The following ADAMTS20 variants were observed in gnomAD, a reference collection of about 807,000 sequenced individuals.
The protein encoded by ADAMTS20 is A disintegrin and metalloproteinase with thrombospondin motifs 20.
ADAMTS20 carries 225 observed loss-of-function variants against 260.1 expected under a neutral mutation model. The ratio of observed to expected loss-of-function variants is 0.87; its 90% confidence interval spans 0.78 to 0.97. The LOEUF is 0.97. ADAMTS20 is among the 50% of genes least tolerant of loss of function. ADAMTS20 has a pLI of 0.00. For synonymous variants in ADAMTS20, 802 were observed against 769.5 expected (o/e 1.04, Z -0.70); for missense variants, 2,400 against 2,337.7 (o/e 1.03, Z -0.55).
At chr12:43,445,791 G>A (rs1227429128) in intron 15 of ADAMTS20, among the ~76,000 whole-genome samples, 1 of 152,104 alleles carries the variant, frequency 6.6e-6, no homozygotes, top group Non-Finnish European at 1.5e-5. Flanking sequence ...GTTCACAGCT[G>A]CAATGAGCTA....
chr12:43,415,410 C>T (rs1490299541), intron 28 of ADAMTS20, among the ~76,000 whole-genome samples: 3 of 152,008 alleles, frequency 2.0e-5, no homozygotes, highest in Non-Finnish European at 4.4e-5. Flanking sequence ...TACTAGAGTA[C>T]AACTTTCTCA....
chr12:43,418,721 G>A (rs953324678), intron 28 of ADAMTS20, among the ~76,000 whole-genome samples: 3 of 152,166 alleles, frequency 2.0e-5, no homozygotes, highest in South Asian at 2.1e-4. Context: ...AATGGCTTCC[G>A]AATATTTCAA....
chr12:43,425,288 A>G (rs1168778230), intron 28 of ADAMTS20, among the ~76,000 whole-genome samples: 1 of 152,090 alleles, frequency 6.6e-6, no homozygotes, highest in Non-Finnish European at 1.5e-5. Context: ...AGAGCATCAG[A>G]AAGAATAGCT....
chr12:43,389,689 GT>G (rs61328758), intron 29 of ADAMTS20, among the ~76,000 whole-genome samples: 1 of 151,548 alleles, frequency 6.6e-6, no homozygotes, highest in South Asian at 2.1e-4. Context: ...ATTCAGCCAG[GT>G]TTTTTTTGTT....
At chr12:43,353,154 G>A (rs1939670915), downstream of ADAMTS20, among the ~76,000 whole-genome samples, 1 of 150,960 alleles carries the variant, frequency 6.6e-6, no homozygotes, top group Non-Finnish European at 1.5e-5. Context: ...TATAATACAT[G>A]GTTAAATTAT....
At chr12:43,436,864 C>T (rs762019958) in intron 18 of ADAMTS20, among the ~76,000 whole-genome samples, 8 of 152,112 alleles carry the variant, frequency 5.3e-5, no homozygotes, top group Non-Finnish European at 7.4e-5. Flanking sequence ...CTTGCAGGAC[C>T]GTTTAACTCA....
intron 10 of ADAMTS20, among the ~76,000 whole-genome samples, chr12:43,463,792 C>A (rs985660126): frequency 3.9e-5 from 6 of 152,032 alleles, no homozygotes; most frequent in Non-Finnish European, 7.4e-5. Context: ...TGCAACAAAT[C>A]CTAAACTGGA....
intron 36 of ADAMTS20, among the ~76,000 whole-genome samples, chr12:43,370,127 A>T (rs534574396): frequency 6.6e-6 from 1 of 152,296 alleles, no homozygotes; most frequent in Non-Finnish European, 1.5e-5. Context: ...AAGACTGCAA[A>T]ATCACTGCAT....
intron 37 of ADAMTS20, among the ~76,000 whole-genome samples, chr12:43,360,718 TC>T (rs1242002845): frequency 6.6e-6 from 1 of 151,786 alleles, no homozygotes; most frequent in Non-Finnish European, 1.5e-5. Flanking sequence ...ATAGGAAAAA[TC>T]AACATACCAC....
chr12:43,452,462 G>A (rs1401627699), intron 13 of ADAMTS20, 52 bp from the exon 14 acceptor site: 1 of 1,606,458 alleles, frequency 6.2e-7, no homozygotes, highest in Non-Finnish European at 8.5e-7. Flanking sequence ...AAAGCTATGT[G>A]TTCTTACGTC....
intron 16 of ADAMTS20, 34 bp from the exon 17 acceptor site, chr12:43,440,103 T>G (rs1941634475): frequency 6.9e-7 from 1 of 1,449,922 alleles, no homozygotes; most frequent in African/African-American, 1.4e-5. Flanking sequence ...CATGAAATAG[T>G]AACACCAATC....
At chr12:43,526,328 G>A (rs2137492420) in intron 3 of ADAMTS20, among the ~76,000 whole-genome samples, 1 of 152,138 alleles carries the variant, frequency 6.6e-6, no homozygotes, top group Non-Finnish European at 1.5e-5. Flanking sequence ...CGTGGTGGCG[G>A]GCACCTGTAA....
At chr12:43,386,321 C>T (rs943920587) in intron 29 of ADAMTS20, among the ~76,000 whole-genome samples, 6 of 152,168 alleles carry the variant, frequency 3.9e-5, no homozygotes, top group African/African-American at 1.4e-4. Context: ...CCCCCACTCT[C>T]TTCTGGCTTG....
intron 37 of ADAMTS20, among the ~76,000 whole-genome samples, chr12:43,365,709 T>C (rs970999712): frequency 6.6e-6 from 1 of 151,980 alleles, no homozygotes; most frequent in Non-Finnish European, 1.5e-5. Flanking sequence ...GCAAGTTTGT[T>C]GCCTTTATAA....
chr12:43,499,950 A>G (rs1329904895), intron 4 of ADAMTS20, among the ~76,000 whole-genome samples: 1 of 151,916 alleles, frequency 6.6e-6, no homozygotes, highest in Non-Finnish European at 1.5e-5. Context: ...GACAATAGTT[A>G]TCTGTCATTT....
chr12:43,405,229 C>CAAAAAAAAAAAAAAAAAAA (rs869040570), intron 28 of ADAMTS20, among the ~76,000 whole-genome samples: 1 of 52,780 alleles, frequency 1.9e-5, no homozygotes, highest in African/African-American at 8.8e-5. Flanking sequence ...CTCATCTCTA[C>CAAAAAAAAAAAAAAAAAAA]AAAAAAAAAA....
In ADAMTS20 at chr12:43,466,672, T is replaced by A. The variant is rs1380137812; in HGVS notation, c.1347A>T (p.Lys449Asn). Residue 449 changes from lysine (K) to asparagine (N), a missense_variant, in exon 9 of 39, where the codon AAA becomes AAT. By Grantham distance (94) the Lys-to-Asn change is moderately conservative. Coordinates refer to ENST00000389420, the MANE Select transcript of ADAMTS20 (RefSeq NM_025003.5). ...SPWSWSNCSR[K>N]YVTEFLDTGY... ...CTTACTCTAGGAATTCAGTAACATA[T>A]TTCCGACTACAGTTTGACCAGCTCC... The A allele has an allele frequency of 2.5e-6, 4 of 1,609,336 alleles. No individual in the cohort carries two copies. The highest frequency in any genetic ancestry group is 1.7e-6 in the Non-Finnish European group (2 of 1,177,926).
chr12:43,363,784 G>A (rs1222529127), intron 37 of ADAMTS20, among the ~76,000 whole-genome samples: 1 of 152,158 alleles, frequency 6.6e-6, no homozygotes, highest in Non-Finnish European at 1.5e-5. Context: ...GTTTAACAGA[G>A]AGAATCAGGG....
intron 11 of ADAMTS20, among the ~76,000 whole-genome samples, chr12:43,461,153 G>A (rs1267807299): frequency 6.6e-6 from 1 of 150,926 alleles, no homozygotes; most frequent in African/African-American, 2.4e-5. Flanking sequence ...ACCACGCCTG[G>A]CTAATTTTTG....
Sources: gnomAD v4.1 joint callset for allele counts (sites outside exome capture counted in the v4.1 genomes callset) on GRCh38, gnomAD v4.1.1 for gene constraint, MANE v1.5 for transcripts, NCBI Gene and HGNC (gene_info 2026-07-23, HGNC 2026-07-21) for gene names.